The following LARGE1 variants were observed in gnomAD, a reference collection of about 807,000 sequenced individuals.
LARGE1 encodes the protein xylosyl- and glucuronyltransferase LARGE1.
In LARGE1, 43 loss-of-function variants were observed where a neutral mutation model predicts 87.6. The observed-to-expected ratio is 0.49, with a 90% CI of 0.38 to 0.63. The LOEUF (loss-of-function observed/expected upper bound fraction) is 0.63. LARGE1 is among the 30% of genes least tolerant of loss of function. The pLI is 0.00. For missense variants in LARGE1, 802 were observed against 1,000.2 expected (o/e 0.80, Z 2.67); for synonymous variants, 434 against 394.6 (o/e 1.10, Z -1.18).
chr22:33,307,440 C>T (rs933560946), intron 11 of LARGE1, among the ~76,000 whole-genome samples: 1 of 152,000 alleles, frequency 6.6e-6, no homozygotes, highest in Non-Finnish European at 1.5e-5. Flanking sequence ...TTGTCTGTTT[C>T]CCCAAGTAAG....
intron 11 of LARGE1, among the ~76,000 whole-genome samples, chr22:33,249,440 G>A (rs112437659): frequency 0.01 from 1,582 of 152,220 alleles, 26 homozygotes; most frequent in African/African-American, 0.035. Flanking sequence ...TTGGTTAGCC[G>A]TTCCTTATCA....
intron 3 of LARGE1, among the ~76,000 whole-genome samples, chr22:33,639,480 T>C (rs1351312646): frequency 1.3e-5 from 2 of 152,240 alleles, no homozygotes; most frequent in East Asian, 3.8e-4. Flanking sequence ...AATGAGTATA[T>C]GTGACACTCA....
intron 6 of LARGE1, among the ~76,000 whole-genome samples, chr22:33,446,006 C>T (rs1254218657): frequency 6.6e-6 from 1 of 152,166 alleles, no homozygotes; most frequent in Non-Finnish European, 1.5e-5. Context: ...GGCTGGCTGA[C>T]AGAAGTAACA....
the LARGE1 span, among the ~76,000 whole-genome samples, chr22:33,087,808 G>T: frequency 6.6e-6 from 1 of 152,052 alleles, no homozygotes; most frequent in African/African-American, 2.4e-5. Flanking sequence ...GGTGGCACAT[G>T]CCTGTAATCC....
chr22:33,379,491 G>T (rs562334437), intron 9 of LARGE1, among the ~76,000 whole-genome samples: 1 of 152,010 alleles, frequency 6.6e-6, no homozygotes, highest in South Asian at 2.1e-4. Flanking sequence ...CTGCTATAAA[G>T]ACACATGCAC....
At chr22:33,711,898 T>C (rs1240887873) in intron 2 of LARGE1, among the ~76,000 whole-genome samples, 1 of 152,186 alleles carries the variant, frequency 6.6e-6, no homozygotes, top group Non-Finnish European at 1.5e-5. Context: ...CGGCCTCAAG[T>C]AGTCCTCTTG....
chr22:33,878,965 T>TTTC (rs66789308), intron 1 of LARGE1, among the ~76,000 whole-genome samples: 6 of 148,298 alleles, frequency 4.0e-5, no homozygotes, highest in Non-Finnish European at 7.5e-5. Flanking sequence ...CCCAGTTTCT[T>TTTC]TTCTTCTTCT....
At chr22:33,750,128 A>G (rs1462144751) in intron 2 of LARGE1, among the ~76,000 whole-genome samples, 3 of 152,238 alleles carry the variant, frequency 2.0e-5, no homozygotes, top group African/African-American at 7.2e-5. Flanking sequence ...AACCACTGCC[A>G]TACGCAGATA....
intron 2 of LARGE1, among the ~76,000 whole-genome samples, chr22:33,690,508 A>G (rs240073): frequency 0.15 from 22,417 of 152,008 alleles, 1,909 homozygotes; most frequent in East Asian, 0.27. Context: ...CCAAAGATCA[A>G]CAGGAGGTGG....
intron 7 of LARGE1, among the ~76,000 whole-genome samples, chr22:33,418,413 G>A (rs1353318059): frequency 1.3e-5 from 2 of 152,190 alleles, no homozygotes; most frequent in Admixed American, 1.3e-4. Flanking sequence ...ACTAGGATGG[G>A]GGTGGGGGAT....
intron 11 of LARGE1, among the ~76,000 whole-genome samples, chr22:33,245,868 C>G (rs1461740482): frequency 2.0e-5 from 3 of 152,176 alleles, no homozygotes; most frequent in African/African-American, 7.2e-5. Context: ...GAGATTGCGC[C>G]ACTGCACTCC....
chr22:33,912,577 C>T (rs190699961), intron 1 of LARGE1, among the ~76,000 whole-genome samples: 1 of 152,260 alleles, frequency 6.6e-6, no homozygotes, highest in East Asian at 1.9e-4. Context: ...CTGTCCAAGG[C>T]ACAGCCCCAT....
At chr22:33,690,060 T>C (rs1259910867) in intron 2 of LARGE1, among the ~76,000 whole-genome samples, 1 of 152,234 alleles carries the variant, frequency 6.6e-6, no homozygotes, top group Non-Finnish European at 1.5e-5. Flanking sequence ...ATTCCTCTCA[T>C]GCTGGCTGCT....
At chr22:33,326,793 G>C (rs745716343) in intron 10 of LARGE1, among the ~76,000 whole-genome samples, 3 of 152,340 alleles carry the variant, frequency 2.0e-5, no homozygotes, top group Middle Eastern at 3.4e-3. Flanking sequence ...CCAGTGCCTA[G>C]AGGGGTCAAA....
chr22:33,408,703 T>G (rs1268496647), intron 7 of LARGE1, among the ~76,000 whole-genome samples: 1 of 151,948 alleles, frequency 6.6e-6, no homozygotes, highest in Admixed American at 6.6e-5. Context: ...GTCTTTTTTT[T>G]TTTTTTTCTT....
intron 2 of LARGE1, chr22:33,726,139 A>G (rs2083266376): frequency 6.7e-6 from 1 of 149,090 alleles, no homozygotes; most frequent in South Asian, 2.1e-4. Context: ...GCCCTGAGAC[A>G]TTAACTTGCC....
intron 11 of LARGE1, among the ~76,000 whole-genome samples, chr22:33,171,591 G>C (rs944761445): frequency 6.6e-6 from 1 of 152,212 alleles, no homozygotes; most frequent in African/African-American, 2.4e-5. Context: ...GTGGCTAAAA[G>C]GGCCAAAGTA....
At chr22:33,378,017 T>C (rs1240517944) in intron 9 of LARGE1, among the ~76,000 whole-genome samples, 1 of 152,208 alleles carries the variant, frequency 6.6e-6, no homozygotes, top group Non-Finnish European at 1.5e-5. Flanking sequence ...GTAAGTCCAA[T>C]ATTTGCAGTC....
At chr22:33,872,441 TAAGAA>T (rs1310326082) in intron 1 of LARGE1, among the ~76,000 whole-genome samples, 1 of 151,470 alleles carries the variant, frequency 6.6e-6, no homozygotes, top group African/African-American at 2.4e-5. Flanking sequence ...ACACGGCTCC[TAAGAA>T]AATACACAGC....
Sources: allele counts gnomAD v4.1 joint callset (sites outside exome capture counted in the v4.1 genomes callset), GRCh38; gene constraint gnomAD v4.1.1; transcripts MANE v1.5; gene names NCBI Gene and HGNC (gene_info 2026-07-23, HGNC 2026-07-21).